DSCAM: variants seen among roughly 807,000 people sequenced by gnomAD.
DSCAM encodes DS cell adhesion molecule, also known as cell adhesion molecule DSCAM.
DSCAM carries 47 observed loss-of-function variants against 217.7 expected under a neutral mutation model. The observed-to-expected ratio is 0.22, with a 90% CI of 0.17 to 0.28. The LOEUF (loss-of-function observed/expected upper bound fraction) is 0.28. Ranked by LOEUF, DSCAM falls within the 10% of genes least tolerant of loss-of-function variation. The probability of loss-of-function intolerance (pLI) is 1.00; values close to 1 mark genes in which losing one functional copy is unlikely to be tolerated. For synonymous variants in DSCAM, 1,056 were observed against 1,015.3 expected, an observed-to-expected ratio of 1.04 and a Z score of -0.76; for missense variants, 2,080 against 2,618.3, an observed-to-expected ratio of 0.79 and a Z score of 4.49.
intron 20 of DSCAM, among the ~76,000 whole-genome samples, chr21:40,111,611 A>C (rs2146637071): frequency 6.6e-6 from 1 of 152,266 alleles, no homozygotes; most frequent in South Asian, 2.1e-4. Context: ...ATTAAAAGAC[A>C]CTGACTGGCA....
chr21:40,437,178 C>T (rs115452920), intron 3 of DSCAM, among the ~76,000 whole-genome samples: 170 of 152,240 alleles, frequency 1.1e-3, no homozygotes, highest in African/African-American at 2.9e-3. Context: ...GACCTACAGG[C>T]GGCTTTCTTC....
chr21:40,324,366 G>A (rs904656350), intron 8 of DSCAM, among the ~76,000 whole-genome samples: 10 of 152,014 alleles, frequency 6.6e-5, no homozygotes, highest in South Asian at 6.2e-4. Flanking sequence ...ATTTGGGGGC[G>A]TAAAAGAGTA....
At chr21:40,188,061 C>G in intron 12 of DSCAM, 74 bp from the exon 13 acceptor site, 1 of 1,125,864 alleles carries the variant, frequency 8.9e-7, no homozygotes, top group South Asian at 1.5e-5. Flanking sequence ...CTCTCTCTCT[C>G]CACTCTTTCA....
intron 3 of DSCAM, among the ~76,000 whole-genome samples, chr21:40,515,630 CT>C (rs1286911616): frequency 6.6e-6 from 1 of 152,122 alleles, no homozygotes; most frequent in Non-Finnish European, 1.5e-5. Context: ...TAAAAATACT[CT>C]TAAAAATTGC....
chr21:40,592,774 T>C (rs1411305272), intron 3 of DSCAM, among the ~76,000 whole-genome samples: 2 of 152,152 alleles, frequency 1.3e-5, no homozygotes, highest in South Asian at 4.1e-4. Flanking sequence ...TCACCGCACT[T>C]GTATCACCAT....
chr21:40,550,700 TA>T (rs1254745876), intron 3 of DSCAM, among the ~76,000 whole-genome samples: 1 of 152,182 alleles, frequency 6.6e-6, no homozygotes, highest in African/African-American at 2.4e-5. Flanking sequence ...TAGACAAATT[TA>T]ACAGAGTTTA....
At chr21:40,618,017 A>C (rs2089428077) in intron 3 of DSCAM, among the ~76,000 whole-genome samples, 1 of 152,216 alleles carries the variant, frequency 6.6e-6, no homozygotes, top group Admixed American at 6.5e-5. Flanking sequence ...CACGAACCAT[A>C]GGAATTGTCA....
In DSCAM at chr21:40,369,116, G is replaced by A. The variant is rs1461877418; in HGVS notation, c.638C>T (p.Ala213Val). ...GTTTTTACCTGATACAAAAAGTCTGGCGCTGTTGCTCTGCCTCGTCTCTCC... is the reference window on the plus strand; with the variant it reads ...GTTTTTACCTGATACAAAAAGTCTGACGCTGTTGCTCTGCCTCGTCTCTCC... ...YTGETRQSNS[A>V]RLFVSDPANS... is the part of the protein sequence containing the mutation. Residue 213 changes from alanine to valine, a missense_variant, in exon 4 of 33, where the codon GCC (alanine) becomes GTC (valine). This residue lies in a region of DSCAM where 568 missense variants were observed against 678.1 expected (regional missense o/e 0.84). Coordinates refer to ENST00000400454, the MANE Select transcript of DSCAM (RefSeq NM_001389.5). 2 of 1,610,282 alleles carry A rather than the reference G, an allele frequency of 1.2e-6. No homozygotes were observed. Among genetic ancestry groups the A allele is most frequent in the South Asian group, 1.1e-5 (1 of 89,874 alleles).
At chr21:40,518,703 T>TATAC (rs1555850158) in intron 3 of DSCAM, among the ~76,000 whole-genome samples, 2 of 144,328 alleles carry the variant, frequency 1.4e-5, no homozygotes, top group African/African-American at 2.6e-5. Flanking sequence ...TATATATATA[T>TATAC]ACACACACAC....
intron 27 of DSCAM, among the ~76,000 whole-genome samples, chr21:40,071,598 T>C (rs1035739505): frequency 1.3e-5 from 2 of 152,250 alleles, no homozygotes; most frequent in African/African-American, 4.8e-5. Flanking sequence ...GGGATCCCTA[T>C]AATATTTTTC....
chr21:40,424,063 T>A (rs17757217), intron 3 of DSCAM, among the ~76,000 whole-genome samples: 14,050 of 152,248 alleles, frequency 0.092, 722 homozygotes, highest in Non-Finnish European at 0.13. Flanking sequence ...GAAGGTAAAA[T>A]TTGAATTGTC....
intron 3 of DSCAM, among the ~76,000 whole-genome samples, chr21:40,563,602 A>ATATGTT (rs2076739077): frequency 1.4e-5 from 2 of 142,922 alleles, no homozygotes; most frequent in South Asian, 4.3e-4. Context: ...TATATGTTAT[A>ATATGTT]TATATGTTTA....
At chr21:40,097,043 C>T (rs1358348160) in intron 20 of DSCAM, among the ~76,000 whole-genome samples, 1 of 151,910 alleles carries the variant, frequency 6.6e-6, no homozygotes, top group Non-Finnish European at 1.5e-5. Flanking sequence ...TAAAGAAAGT[C>T]CTTCCAGCAG....
At chr21:40,833,405 C>T (rs770524563) in intron 1 of DSCAM, among the ~76,000 whole-genome samples, 21 of 152,160 alleles carry the variant, frequency 1.4e-4, no homozygotes, top group East Asian at 5.8e-4. Flanking sequence ...AACAGGCCTC[C>T]GCCAGCCGCA....
Position 40,508,756 on chromosome 21 carries a change from TATATATATATATATATATA to T in DSCAM, c.509-139530_509-139512del, listed in dbSNP as rs2076231403. Reference sequence around the variant, plus strand: ...GCAAATATATATATATATATATATATATATATATATATATATATATATATATATTTTTTTTTTTTTTTTT... The same window carrying T: ...GCAAATATATATATATATATATATATTATATATATTTTTTTTTTTTTTTTT... On this transcript the variant is annotated intron_variant, in intron 3 of 32. Coordinates refer to ENST00000400454, the MANE Select transcript of DSCAM (RefSeq NM_001389.5). 1.9e-4 allele frequency among the ~76,000 whole-genome samples: 8 copies of T among 42,464 alleles called. 1 individual carries two copies. Among genetic ancestry groups the T allele is most frequent in the Middle Eastern group, 0.018 (1 of 56 alleles). 27.9% of individuals were successfully genotyped at this position (42,464 alleles called of 152,430 possible).
chr21:40,459,812 C>T (rs1347700885), intron 3 of DSCAM, among the ~76,000 whole-genome samples: 1 of 144,552 alleles, frequency 6.9e-6, no homozygotes, highest in South Asian at 2.2e-4. Flanking sequence ...AAACCTGCCC[C>T]CCACCCAAAA....
At chr21:40,048,335 C>T (rs1261801503) in intron 30 of DSCAM, among the ~76,000 whole-genome samples, 1 of 137,558 alleles carries the variant, frequency 7.3e-6, no homozygotes, top group Non-Finnish European at 1.6e-5. Flanking sequence ...GGTATTTATC[C>T]ACTACATGCC....
At chr21:40,425,527 T>G (rs1426036805) in intron 3 of DSCAM, among the ~76,000 whole-genome samples, 1 of 147,770 alleles carries the variant, frequency 6.8e-6, no homozygotes, top group African/African-American at 2.5e-5. Flanking sequence ...ATAAGAATTT[T>G]TTTACCCCCC....
intron 11 of DSCAM, among the ~76,000 whole-genome samples, chr21:40,229,198 C>T (rs1317722428): frequency 1.3e-5 from 2 of 152,180 alleles, no homozygotes; most frequent in Admixed American, 6.5e-5. Context: ...GTTCTTTTTG[C>T]CTTTAGTCAT....
Sources: allele counts gnomAD v4.1 joint callset (sites outside exome capture counted in the v4.1 genomes callset), GRCh38; gene constraint gnomAD v4.1.1; regional missense constraint gnomAD v4.1.1; transcripts MANE v1.5; gene names NCBI Gene and HGNC (gene_info 2026-07-23, HGNC 2026-07-21).